ADGRL4: variants seen among roughly 807,000 people sequenced by gnomAD.
ADGRL4 encodes EGF, latrophilin and seven transmembrane domain containing 1.
ADGRL4 carries 90 observed loss-of-function variants against 74.8 expected under a neutral mutation model. That is an observed-to-expected ratio of 1.20 (90% CI 1.02 to 1.43). The LOEUF (loss-of-function observed/expected upper bound fraction) is 1.43, where lower values mean the gene tolerates loss of function less well. ADGRL4 is among the 40% of genes most tolerant of loss of function. The probability of loss-of-function intolerance (pLI) is 0.00; values close to 1 mark genes in which losing one functional copy is unlikely to be tolerated. For missense variants in ADGRL4, 881 were observed against 814.3 expected, an observed-to-expected ratio of 1.08 and a Z score of -1.00; for synonymous variants, 311 against 279.2, an observed-to-expected ratio of 1.11 and a Z score of -1.14.
intron 13 of ADGRL4, among the ~76,000 whole-genome samples, chr1:78,892,726 C>T (rs141473585): frequency 1.3e-3 from 198 of 151,890 alleles, no homozygotes; most frequent in Middle Eastern, 3.4e-3. Flanking sequence ...AGTTTTAAAG[C>T]GGGAGGGTGG....
chr1:78,984,315 AT>A (rs1320600465), intron 2 of ADGRL4, among the ~76,000 whole-genome samples: 1 of 151,844 alleles, frequency 6.6e-6, no homozygotes, highest in Non-Finnish European at 1.5e-5. Flanking sequence ...AAGTTATTAT[AT>A]TTTTAGGTAT....
At position 78,937,814 on chromosome 1, in the gene ADGRL4, C is replaced by T. The variant is rs778788174; in HGVS notation, c.753G>A (p.Thr251=). The T allele has an allele frequency of 8.1e-6, 13 of 1,605,246 alleles. No individual in the cohort carries two copies. The South Asian group carries it at 1.0e-4, about 13-fold the overall frequency. The change falls in exon 6 of 15, where the codon ACG becomes ACA. Residue 251 remains threonine, a synonymous_variant. Transcript: ENST00000370742. ...TGGACCCTTGTTTCTTACCTATATC[C>T]GTTGAATTTGTATCAAACTCTGTGG... The part of the protein sequence containing the change: ...QKTTEFDTNS[T]DIALKVFFFD...
At chr1:78,966,451 G>A (rs928324381) in intron 2 of ADGRL4, among the ~76,000 whole-genome samples, 21 of 152,146 alleles carry the variant, frequency 1.4e-4, no homozygotes, top group African/African-American at 2.7e-4. Flanking sequence ...GGCGCCCAAC[G>A]TGGGTCTTGA....
chr1:79,001,254 G>T (rs1650839009), intron 2 of ADGRL4, among the ~76,000 whole-genome samples: 2 of 149,928 alleles, frequency 1.3e-5, no homozygotes, highest in South Asian at 2.1e-4. Context: ...AGGAAGGAAG[G>T]TATGAATGAA....
At chr1:78,976,217 T>C (rs74520195) in intron 2 of ADGRL4, among the ~76,000 whole-genome samples, 2,281 of 151,964 alleles carry the variant, frequency 0.015, 60 homozygotes, top group African/African-American at 0.053. Flanking sequence ...CCCTTGTAGA[T>C]TCAGCAAAGT....
chr1:78,940,061 CA>C (rs543423455), intron 3 of ADGRL4, among the ~76,000 whole-genome samples: 1 of 152,098 alleles, frequency 6.6e-6, no homozygotes, highest in Non-Finnish European at 1.5e-5. Context: ...GATTAATCAA[CA>C]AAGTCATTAC....
At chr1:78,947,158 T>A (rs1345643409) in intron 2 of ADGRL4, among the ~76,000 whole-genome samples, 1 of 152,134 alleles carries the variant, frequency 6.6e-6, no homozygotes, top group Admixed American at 6.6e-5. Flanking sequence ...AGGAGAATAT[T>A]TTCCAGTGAC....
intron 2 of ADGRL4, among the ~76,000 whole-genome samples, chr1:79,000,030 G>T (rs1048067696): frequency 1.3e-5 from 2 of 151,984 alleles, no homozygotes; most frequent in Non-Finnish European, 2.9e-5. Context: ...ATAAAATTTT[G>T]CATAACATTT....
At chr1:78,947,890 T>C (rs2100696810) in intron 2 of ADGRL4, among the ~76,000 whole-genome samples, 1 of 152,286 alleles carries the variant, frequency 6.6e-6, no homozygotes, top group East Asian at 1.9e-4. Context: ...AAAGGGTGAG[T>C]TGTGTAGCAT....
At chr1:78,967,386 C>T (rs1445337654) in intron 2 of ADGRL4, among the ~76,000 whole-genome samples, 2 of 152,110 alleles carry the variant, frequency 1.3e-5, no homozygotes, top group African/African-American at 4.8e-5. Flanking sequence ...ACCTAGCACA[C>T]AATTAAAACA....
intron 2 of ADGRL4, among the ~76,000 whole-genome samples, chr1:78,962,964 G>A (rs1043424222): frequency 1.3e-5 from 2 of 152,214 alleles, no homozygotes; most frequent in Admixed American, 1.3e-4. Context: ...GCTATTGTGT[G>A]TATGAAATCT....
chr1:78,995,950 T>C (rs1650703503), intron 2 of ADGRL4, among the ~76,000 whole-genome samples: 2 of 152,220 alleles, frequency 1.3e-5, no homozygotes, highest in South Asian at 4.1e-4. Flanking sequence ...TTTGTAACGA[T>C]GGGTTTTGGT....
In ADGRL4 at chr1:78,986,904, A is replaced by G. The variant is rs370807936; in HGVS notation, c.172+18166T>C. ...TAGATAGAGTCTAAAAACTAATTTG[A>G]CCACAAGGGAGGTGTTCTGTAGCAA... On this transcript the variant is annotated intron_variant, in intron 2 of 14. Coordinates refer to ENST00000370742, the MANE Select transcript of ADGRL4 (RefSeq NM_022159.4). Among the ~76,000 whole-genome samples the G allele has an allele frequency of 1.4e-3, 216 of 151,862 alleles. 3 individuals carry two copies. The highest frequency in any genetic ancestry group is 5.1e-3 in the African/African-American group (211 of 41,512).
At chr1:78,904,344 A>C (rs886708072) in intron 12 of ADGRL4, among the ~76,000 whole-genome samples, 2 of 152,050 alleles carry the variant, frequency 1.3e-5, no homozygotes, top group African/African-American at 4.8e-5. Context: ...CTGCATTTAA[A>C]GTATAATCAA....
chr1:78,998,778 C>T (rs1650774605), intron 2 of ADGRL4, among the ~76,000 whole-genome samples: 1 of 152,108 alleles, frequency 6.6e-6, no homozygotes, highest in Non-Finnish European at 1.5e-5. Context: ...CAATGAGATT[C>T]ACTTTCTTTA....
rs543980811 is a variant in ADGRL4 at position 78,893,156 on chromosome 1, T to G, written c.1783A>C (p.Lys595Gln). The G allele has an allele frequency of 6.2e-7, 1 of 1,604,324 alleles. No homozygotes were observed. Among genetic ancestry groups the G allele is most frequent in the South Asian group, 1.1e-5 (1 of 88,858 alleles). ...NLLAFGVIIY[K>Q]VFRHTAGLKP... is the part of the protein sequence containing the mutation. ...AACCCTGCAGTGTGACGAAAAACTT[T>G]GTATATGATGACTCCAAAAGCCAAG... Residue 595 changes from lysine to glutamine, a missense_variant, in exon 13 of 15, where the codon AAA (lysine) becomes CAA (glutamine). Coordinates refer to ENST00000370742, the MANE Select transcript of ADGRL4 (RefSeq NM_022159.4).
chr1:78,990,153 A>C (rs1472476768), intron 2 of ADGRL4, among the ~76,000 whole-genome samples: 1 of 151,958 alleles, frequency 6.6e-6, no homozygotes, highest in Non-Finnish European at 1.5e-5. Flanking sequence ...ACTATTTTGA[A>C]ATAAGCAAGC....
chr1:78,983,411 G>A (rs1156770080), intron 2 of ADGRL4, among the ~76,000 whole-genome samples: 4 of 150,066 alleles, frequency 2.7e-5, no homozygotes, highest in Admixed American at 6.7e-5. Flanking sequence ...TATTAAAAAA[G>A]ACTCAAGAGT....
intron 12 of ADGRL4, among the ~76,000 whole-genome samples, chr1:78,897,206 C>A (rs887754806): frequency 1.3e-5 from 2 of 152,144 alleles, no homozygotes; most frequent in Non-Finnish European, 2.9e-5. Context: ...CTTGACCAAG[C>A]TTTAGCCAGG....
Sources: allele counts gnomAD v4.1 joint callset (sites outside exome capture counted in the v4.1 genomes callset), GRCh38; gene constraint gnomAD v4.1.1; transcripts MANE v1.5; gene names NCBI Gene and HGNC (gene_info 2026-07-23, HGNC 2026-07-21).